Variants in CEP170B observed in about 807,000 individuals in gnomAD.
CEP170B encodes centrosomal protein 170B.
Under a neutral mutation model 120.6 loss-of-function variants are expected in CEP170B, and 55 were observed. The ratio of observed to expected loss-of-function variants is 0.46; its 90% CI spans 0.37 to 0.57. The LOEUF (loss-of-function observed/expected upper bound fraction) is 0.57, where lower values mean the gene tolerates loss of function less well. Ranked by LOEUF, CEP170B falls within the 20% of genes least tolerant of loss-of-function variation. CEP170B has a pLI of 0.00. For synonymous variants in CEP170B, 1,033 were observed against 954.5 expected (o/e 1.08, Z -1.52); for missense variants, 2,212 against 2,253.3 (o/e 0.98, Z 0.37).
Position 104,880,270 on chromosome 14 carries a change from G to A in CEP170B, c.334-17G>A, listed in dbSNP as rs114271411. On this transcript the variant is annotated splice_polypyrimidine_tract_variant and intron_variant, in intron 5 of 18. Transcript: ENST00000414716. ...GAGGCTGGGCCCAGTACCTCACCCCGCCTGGCCTGCCCACAGCATGAAAAG... is the reference window on the plus strand; with the variant it reads ...GAGGCTGGGCCCAGTACCTCACCCCACCTGGCCTGCCCACAGCATGAAAAG... The A allele has an allele frequency of 1.9e-4, 293 of 1,577,970 alleles. 1 individual carries two copies. The African/African-American group carries it at 3.3e-3, about 18-fold the overall frequency.
chr14:104,869,796 A>G (rs1351950762), intron 2 of CEP170B, among the ~76,000 whole-genome samples: 1 of 152,176 alleles, frequency 6.6e-6, no homozygotes, highest in Non-Finnish European at 1.5e-5. Context: ...TCCAGACACC[A>G]AATTGGCCGG....
At position 104,868,200 on chromosome 14, in the gene CEP170B, G is replaced by C. The variant is rs1233106179; in HGVS notation, c.-27-224G>C. ...AGGGAGAACCAGGCAGCCTTTGCCA[G>C]GGATGGACGTGATGGGAAAGGCCGG... On this transcript the variant is annotated intron_variant, in intron 1 of 18. Transcript: ENST00000414716. This position sits in a 1 kb window ranked among gnomAD's most constrained non-coding sequence, Gnocchi z 5.9. Among the ~76,000 whole-genome samples, 3 of 152,186 alleles carry C rather than the reference G, an allele frequency of 2.0e-5. No individual in the cohort carries two copies. Among genetic ancestry groups the C allele is most frequent in the Non-Finnish European group, 4.4e-5 (3 of 68,032 alleles).
chr14:104,883,495 C>A lies in CEP170B; in HGVS notation c.1038C>A (p.Thr346=), dbSNP rs1254783119. ...HSTKSDLPVH[T]RTLKGHKHED... ...CCAAGAGCGACCTGCCTGTCCACACCCGCACCCTGAAGGGTGAGTGCCCAG... is the reference window on the plus strand; with the variant it reads ...CCAAGAGCGACCTGCCTGTCCACACACGCACCCTGAAGGGTGAGTGCCCAG... Residue 346 remains threonine (T), a synonymous_variant, in exon 8 of 19, where the codon ACC becomes ACA. Transcript: ENST00000414716. The A allele has an allele frequency of 6.5e-7, 1 of 1,545,998 alleles. No homozygotes were observed. The highest frequency in any genetic ancestry group is 8.7e-7 in the Non-Finnish European group (1 of 1,143,962).
Position 104,891,226 on chromosome 14 carries a change from C to T in CEP170B, c.3878+1468C>T, listed in dbSNP as rs1896843329. ...ATTCAGTAACAGGGCCCTCTCCAGG[C>T]CAGGCGCTGGGGAGGATGGGGTAGG... is the stretch of plus-strand genomic sequence containing the variant. On this transcript the variant is annotated intron_variant, in intron 13 of 18. Coordinates refer to ENST00000414716, the MANE Select transcript of CEP170B (RefSeq NM_001112726.3). The surrounding 1 kb of genome is among the most constrained non-coding windows in gnomAD (Gnocchi z 4.3). 6.6e-6 allele frequency among the ~76,000 whole-genome samples: 1 copy of T among 152,098 alleles called. No individual in the cohort carries two copies. Among genetic ancestry groups the T allele is most frequent in the Non-Finnish European group, 1.5e-5 (1 of 67,998 alleles).
In CEP170B at chr14:104,883,174, C is replaced by T. The variant is rs763167310; in HGVS notation, c.717C>T (p.Pro239=). ...PTKETPQPSQ[P]PEVPAHEMPT... is the part of the protein sequence containing the mutation. Reference sequence around the variant, plus strand: ...AGGAGACCCCGCAGCCGTCGCAGCCCCCCGAGGTGCCGGCACACGAGATGC... The same window carrying T: ...AGGAGACCCCGCAGCCGTCGCAGCCTCCCGAGGTGCCGGCACACGAGATGC... The change falls in exon 8 of 19, where the codon CCC becomes CCT. Residue 239 remains proline, a synonymous_variant. Transcript: ENST00000414716. 13 of 1,606,218 alleles carry T rather than the reference C, an allele frequency of 8.1e-6. No individual in the cohort carries two copies. The highest frequency in any genetic ancestry group is 1.4e-5 in the African/African-American group (1 of 73,136).
rs1333715918 is a variant in CEP170B, at chr14:104,883,347, C to T, written c.890C>T (p.Pro297Leu). 1.2e-6 allele frequency: 2 copies of T among 1,611,144 alleles called. No individual in the cohort carries two copies. The highest frequency in any genetic ancestry group is 1.1e-5 in the South Asian group (1 of 90,788). Residue 297 changes from proline to leucine, a missense_variant, in exon 8 of 19, where the codon CCC becomes CTC. Around this residue, in one of 2 missense-constraint regions of CEP170B, gnomAD observed 2,166 missense variants for 2,166.7 expected, o/e 1.00. Transcript: ENST00000414716. ...ITKFSLRQRR[P>L]PGKEATPGEM... ...AAGTTTTCCCTGCGCCAGCGGCGGCCCCCGGGCAAGGAGGCCACACCTGGC... is the reference window on the plus strand; with the variant it reads ...AAGTTTTCCCTGCGCCAGCGGCGGCTCCCGGGCAAGGAGGCCACACCTGGC...
rs753292822 is a variant in CEP170B at position 104,868,237 on chromosome 14, A to G, written c.-27-187A>G. Among the ~76,000 whole-genome samples, 18 of 152,066 alleles carry G rather than the reference A, an allele frequency of 1.2e-4. No individual in the cohort carries two copies. Among genetic ancestry groups the G allele is most frequent in the Non-Finnish European group, 2.4e-4 (16 of 67,998 alleles). ...ATGGGAAAGGCCGGTCACGAGGGCA[A>G]AGGCCTGGCAGTGGGACTCGGGACC... On this transcript the variant is annotated intron_variant, in intron 1 of 18. Coordinates refer to ENST00000414716, the MANE Select transcript of CEP170B (RefSeq NM_001112726.3). This position sits in a 1 kb window ranked among gnomAD's most constrained non-coding sequence, Gnocchi z 5.9.
rs546309373 is a variant in CEP170B at position 104,872,479 on chromosome 14, G to GTGTGC, written c.106-3777_106-3776insTGTGC. 2.5e-4 allele frequency among the ~76,000 whole-genome samples: 24 copies of GTGTGC among 96,022 alleles called. 1 individual carries two copies. The highest frequency in any genetic ancestry group is 8.9e-4 in the African/African-American group (22 of 24,792). The allele number at this position is 96,022 out of a possible 152,430, so 63.0% of individuals were successfully genotyped here. ...GTGCGTGTGGGTGTGCCGTGTGTGT[G>GTGTGC]CGTGTGTGCCGTGTGTGTGTGCGTG... On this transcript the variant is annotated intron_variant, in intron 2 of 18. Transcript: ENST00000414716.
chr14:104,891,975 C>T lies in CEP170B; in HGVS notation c.3879-1001C>T, dbSNP rs1398576466. ...TGGGCAGAGGGTGCTGGGGGTGTTT[C>T]TCTGGTCGTGCCAGTGTCTGGCGAG... On this transcript the variant is annotated intron_variant, in intron 13 of 18. Transcript: ENST00000414716. The surrounding 1 kb of genome is among the most constrained non-coding windows in gnomAD (Gnocchi z 4.3). 6.6e-6 allele frequency among the ~76,000 whole-genome samples: 1 copy of T among 152,092 alleles called. No homozygotes were observed. The highest frequency in any genetic ancestry group is 1.5e-5 in the Non-Finnish European group (1 of 68,010).
At chr14:104,869,296 G>A (rs1193229176) in intron 2 of CEP170B, among the ~76,000 whole-genome samples, 2 of 152,206 alleles carry the variant, frequency 1.3e-5, no homozygotes, top group African/African-American at 4.8e-5. Flanking sequence ...GTGGCACGTG[G>A]GCCCCTGACC....
rs1191002323 is a variant in CEP170B, at chr14:104,895,168, C to T, written c.*210C>T. ...CTGTCCAGCCCCATGGCCACCCCCA[C>T]CCCTGCCTCGCCCCCTACAGGCCTC... On this transcript the variant is annotated 3_prime_UTR_variant, in exon 19 of 19. Coordinates refer to ENST00000414716, the MANE Select transcript of CEP170B (RefSeq NM_001112726.3). 1.8e-6 allele frequency: 1 copy of T among 551,352 alleles called. No homozygotes were observed. The highest frequency in any genetic ancestry group is 3.1e-6 in the Non-Finnish European group (1 of 322,676). 34.2% of individuals were successfully genotyped at this position (551,352 alleles called of 1,614,324 possible). A position where few individuals can be genotyped will look rare whatever the true frequency, so the allele number is the denominator to read the frequency against.
At position 104,885,390 on chromosome 14, in the gene CEP170B, C is replaced by G. The variant is rs1472780321; in HGVS notation, c.1792C>G (p.Pro598Ala). 3.8e-6 allele frequency: 6 copies of G among 1,569,180 alleles called. No individual in the cohort carries two copies. The Admixed American group carries it at 9.3e-5, about 24-fold the overall frequency. Residue 598 changes from proline (P) to alanine (A), a missense_variant, in exon 10 of 19, where the codon CCT becomes GCT. By Grantham distance (27) the Pro-to-Ala change is conservative (BLOSUM62 -1). This residue lies in a region of CEP170B where 2,166 missense variants were observed against 2,166.7 expected (regional missense o/e 1.00). Transcript: ENST00000414716. ...GCAGGTCTTTGGGGTGTTGGAGTCC[C>G]CTGAACTCTCCAGGGCATCTTCGGC... is the stretch of plus-strand genomic sequence containing the variant. ...IDQVFGVLES[P>A]ELSRASSATF...
At chr14:104,874,430 C>T (rs759634830) in intron 2 of CEP170B, among the ~76,000 whole-genome samples, 10 of 152,128 alleles carry the variant, frequency 6.6e-5, no homozygotes, top group Non-Finnish European at 1.0e-4. Flanking sequence ...GGAGCTGGCA[C>T]CAGGAGCCCC....
In CEP170B at chr14:104,887,513, C is replaced by G. The variant is rs950369108; in HGVS notation, c.3274C>G (p.Arg1092Gly). ...PAAPPPSPAAREEQSRSSASS... is the reference protein window; with the variant it reads ...PAAPPPSPAAGEEQSRSSASS... The stretch of plus-strand genomic sequence containing the variant: ...GGCCCCACCGCCATCCCCAGCTGCC[C>G]GGGAGGAGCAGAGCCGTAGCTCAGC... Residue 1092 changes from arginine (R) to glycine (G), a missense_variant, in exon 12 of 19, where the codon CGG (arginine) becomes GGG (glycine). Coordinates refer to ENST00000414716, the MANE Select transcript of CEP170B (RefSeq NM_001112726.3). 1 of 1,611,554 alleles carries G rather than the reference C, an allele frequency of 6.2e-7. No individual in the cohort carries two copies. Among genetic ancestry groups the G allele is most frequent in the African/African-American group, 1.3e-5 (1 of 74,942 alleles).
Position 104,894,788 on chromosome 14 carries a change from C to T in CEP170B, c.4495C>T (p.Pro1499Ser). Residue 1499 changes from proline to serine, a missense_variant, in exon 19 of 19, where the codon CCG becomes TCG. Pro to Ser is a moderately conservative substitution (Grantham distance 74). Coordinates refer to ENST00000414716, the MANE Select transcript of CEP170B (RefSeq NM_001112726.3). The stretch of plus-strand genomic sequence containing the variant: ...CAGGAGCTTGGCCAGCTCTGCACAG[C>T]CGGGGCTGGGGAAGGGCCGCGTGGC... Reference protein sequence around the residue: ...GNRSLASSAQPGLGKGRVAAQ... With the variant: ...GNRSLASSAQSGLGKGRVAAQ... 2 of 1,607,262 alleles carry T rather than the reference C, an allele frequency of 1.2e-6. No homozygotes were observed. Among genetic ancestry groups the T allele is most frequent in the Non-Finnish European group, 1.7e-6 (2 of 1,178,916 alleles).
At chr14:104,882,417 G>A (rs1449523033) in intron 6 of CEP170B, among the ~76,000 whole-genome samples, 1 of 152,036 alleles carries the variant, frequency 6.6e-6, no homozygotes, top group Admixed American at 6.5e-5. Flanking sequence ...ATGCCCCAGG[G>A]GATGAGCCTC....
chr14:104,887,023 CCTCT>C lies in CEP170B; in HGVS notation c.2787_2790del (p.Ser930IlefsTer101). 6.2e-7 allele frequency: 1 copy of C among 1,610,970 alleles called. No homozygotes were observed. Among genetic ancestry groups the C allele is most frequent in the Non-Finnish European group, 8.5e-7 (1 of 1,179,834 alleles). The stretch of plus-strand genomic sequence containing the variant: ...CCCTGGCGGCCCTGGAGGCCCGACT[CCTCT>C]CTAATTCTGTGGATGCCGAGTGTGA... On this transcript the variant is annotated frameshift_variant, in exon 12 of 19. Transcript: ENST00000414716. LOFTEE classifies it high-confidence loss of function.
intron 2 of CEP170B, among the ~76,000 whole-genome samples, chr14:104,871,379 AC>A (rs907316731): frequency 2.5e-5 from 2 of 80,418 alleles, no homozygotes; most frequent in Non-Finnish European, 5.1e-5. Context: ...GCTCAGTGCC[AC>A]CCCCACCCCC....
rs758077533 is a variant in CEP170B, at chr14:104,894,886, G to T, written c.4593G>T (p.Gln1531His). Reference protein sequence around the residue: ...LPALPLRNFPQRASCGPPSLP... With the variant: ...LPALPLRNFPHRASCGPPSLP... ...CCCTGCCCCTGAGGAATTTCCCACA[G>T]CGGGCCAGCTGTGGGCCTCCCAGCC... Residue 1531 changes from glutamine (Q) to histidine (H), a missense_variant, in exon 19 of 19, where the codon CAG (glutamine) becomes CAT (histidine). Around this residue, in one of 2 missense-constraint regions of CEP170B, gnomAD observed 2,166 missense variants for 2,166.7 expected, o/e 1.00. Transcript: ENST00000414716. 2 of 1,604,214 alleles carry T rather than the reference G, an allele frequency of 1.2e-6. No individual in the cohort carries two copies. Among genetic ancestry groups the T allele is most frequent in the Non-Finnish European group, 1.7e-6 (2 of 1,176,166 alleles).
Sources: gnomAD v4.1 joint callset for allele counts (sites outside exome capture counted in the v4.1 genomes callset) on GRCh38, gnomAD v4.1.1 for gene constraint, gnomAD v4.1.1 regional missense constraint, Gnocchi (gnomAD v3.1) non-coding constraint, MANE v1.5 for transcripts, NCBI Gene and HGNC (gene_info 2026-07-23, HGNC 2026-07-21) for gene names.